The following ANKFN1 variants were observed in gnomAD, a reference collection of about 807,000 sequenced individuals.
ANKFN1 encodes ankyrin repeat and fibronectin type-III domain-containing protein 1.
ANKFN1 carries 74 observed loss-of-function variants against 108.7 expected under a neutral mutation model. The ratio of observed to expected loss-of-function variants is 0.68; its 90% CI spans 0.56 to 0.83. The LOEUF (loss-of-function observed/expected upper bound fraction) is 0.83, where lower values mean the gene tolerates loss of function less well. Among genes scored for constraint, ANKFN1 ranks in the 40% least tolerant of loss-of-function variants. The pLI is 0.00. For missense variants in ANKFN1, 1,505 were observed against 1,382.3 expected (o/e 1.09, Z -1.41); for synonymous variants, 547 against 516.2 (o/e 1.06, Z -0.81).
At chr17:56,267,512 C>G (rs771473673) in intron 3 of ANKFN1, among the ~76,000 whole-genome samples, 82 of 152,136 alleles carry the variant, frequency 5.4e-4, no homozygotes, top group Non-Finnish European at 9.7e-4. Context: ...ATAGTATTTC[C>G]TAGGTTAGTT....
At chr17:56,467,960 A>G (rs1186671013) in intron 15 of ANKFN1, among the ~76,000 whole-genome samples, 1 of 152,202 alleles carries the variant, frequency 6.6e-6, no homozygotes, top group East Asian at 1.9e-4. Flanking sequence ...TTCAGCCTTC[A>G]CTTGTACAAG....
chr17:56,102,872 C>A (rs1420481308), intron 4 of ANKFN1, among the ~76,000 whole-genome samples: 1 of 152,202 alleles, frequency 6.6e-6, no homozygotes, highest in Admixed American at 6.5e-5. Flanking sequence ...AGCCACTGTG[C>A]CCAGCCTATC....
intron 8 of ANKFN1, among the ~76,000 whole-genome samples, chr17:56,411,592 T>C (rs1046433252): frequency 1.3e-5 from 2 of 152,194 alleles, no homozygotes; most frequent in African/African-American, 4.8e-5. Flanking sequence ...GCTTTCAACT[T>C]TTTACCATTT....
chr17:56,408,313 T>C (rs2047983412), intron 8 of ANKFN1, among the ~76,000 whole-genome samples: 1 of 152,220 alleles, frequency 6.6e-6, no homozygotes. Context: ...TTATCAAAGA[T>C]GTTTATACAC....
chr17:56,257,811 G>A (rs1323901645), intron 3 of ANKFN1: 2 of 152,186 alleles, frequency 1.3e-5, no homozygotes, highest in Non-Finnish European at 2.9e-5. Context: ...TGGAGCTCCA[G>A]GAGAGGATTT....
intron 4 of ANKFN1, among the ~76,000 whole-genome samples, chr17:56,328,411 C>T (rs2144549209): frequency 6.6e-6 from 1 of 152,258 alleles, no homozygotes; most frequent in South Asian, 2.1e-4. Flanking sequence ...GTATTGATGT[C>T]TTTTATAAAA....
chr17:56,404,070 T>C (rs553442017), intron 8 of ANKFN1, among the ~76,000 whole-genome samples: 1 of 152,280 alleles, frequency 6.6e-6, no homozygotes, highest in South Asian at 2.1e-4. Flanking sequence ...GGTTACCTGA[T>C]GCTTCTGTCT....
At chr17:56,066,061 C>G (rs1453238068) in intron 4 of ANKFN1, among the ~76,000 whole-genome samples, 1 of 152,232 alleles carries the variant, frequency 6.6e-6, no homozygotes, top group Non-Finnish European at 1.5e-5. Context: ...AAGGCCAGAA[C>G]AGCAACAACA....
chr17:56,293,381 C>G (rs1330936956), intron 3 of ANKFN1, among the ~76,000 whole-genome samples: 1 of 152,152 alleles, frequency 6.6e-6, no homozygotes, highest in Non-Finnish European at 1.5e-5. Context: ...AAAACAAACC[C>G]AACAACTTTT....
intron 11 of ANKFN1, 92 bp from the exon 12 acceptor site, chr17:56,456,769 G>A: frequency 1.0e-6 from 1 of 978,702 alleles, no homozygotes; most frequent in Middle Eastern, 2.1e-4. Flanking sequence ...TAAAGGGATG[G>A]GGGAGGGGAA....
At chr17:56,174,449 G>T in intron 1 of ANKFN1, 1 of 980,018 alleles carries the variant, frequency 1.0e-6, no homozygotes, top group Non-Finnish European at 1.2e-6. Flanking sequence ...TGAATTGCTT[G>T]AGGGTTCTCT....
chr17:56,451,266 T>C (rs1413094524), intron 11 of ANKFN1, among the ~76,000 whole-genome samples: 1 of 152,226 alleles, frequency 6.6e-6, no homozygotes, highest in Non-Finnish European at 1.5e-5. Context: ...TCTTTAGCCA[T>C]GTACAACTTT....
intron 4 of ANKFN1, among the ~76,000 whole-genome samples, chr17:56,115,728 G>A (rs1348765786): frequency 6.6e-6 from 1 of 152,100 alleles, no homozygotes; most frequent in Non-Finnish European, 1.5e-5. Context: ...GTGCTAACAT[G>A]TCTGGGAAGA....
intron 3 of ANKFN1, among the ~76,000 whole-genome samples, chr17:56,269,885 A>C (rs1260209668): frequency 6.6e-6 from 1 of 152,070 alleles, no homozygotes; most frequent in Non-Finnish European, 1.5e-5. Context: ...GTTTTCCCTC[A>C]TTCCCCTAAC....
chr17:56,431,931 C>T (rs527650121), intron 8 of ANKFN1, among the ~76,000 whole-genome samples: 16 of 152,278 alleles, frequency 1.1e-4, no homozygotes, highest in African/African-American at 3.4e-4. Context: ...AAATAGCTTG[C>T]TGGAGCTCTC....
intron 3 of ANKFN1, among the ~76,000 whole-genome samples, chr17:56,271,298 C>T (rs1254845980): frequency 1.3e-5 from 2 of 152,202 alleles, no homozygotes; most frequent in Non-Finnish European, 2.9e-5. Flanking sequence ...AGACACCATG[C>T]CTGGCCTATA....
intron 4 of ANKFN1, among the ~76,000 whole-genome samples, chr17:56,078,200 AG>A (rs10719483): frequency 0.083 from 12,650 of 152,150 alleles, 869 homozygotes; most frequent in African/African-American, 0.19. Flanking sequence ...TTTGAGAGTA[AG>A]GCACAGACCT....
chr17:56,449,137 A>C lies in ANKFN1; in HGVS notation c.1158A>C (p.Glu386Asp). 6.2e-7 allele frequency: 1 copy of C among 1,613,654 alleles called. No homozygotes were observed. The highest frequency in any genetic ancestry group is 8.5e-7 in the Non-Finnish European group (1 of 1,179,658). The change falls in exon 11 of 21, where the codon GAA becomes GAC. Residue 386 changes from glutamate to aspartate, a missense_variant. Coordinates refer to ENST00000682825, the MANE Select transcript of ANKFN1 (RefSeq NM_001370326.1). ...PRHKGQSEVLEGLLQQVRALH... is the reference protein window; with the variant it reads ...PRHKGQSEVLDGLLQQVRALH... ...ACAAGGGACAGAGTGAAGTTTTGGA[A>C]GGTCTGCTGCAGCAGGTCCGAGCCC...
chr17:56,300,557 A>T (rs1333935680), intron 3 of ANKFN1, among the ~76,000 whole-genome samples: 1 of 149,620 alleles, frequency 6.7e-6, no homozygotes, highest in Admixed American at 6.6e-5. Context: ...GATATTTTTT[A>T]GCCTTTCCTC....
Sources: gnomAD v4.1 joint callset for allele counts (sites outside exome capture counted in the v4.1 genomes callset) on GRCh38, gnomAD v4.1.1 for gene constraint, MANE v1.5 for transcripts, NCBI Gene and HGNC (gene_info 2026-07-23, HGNC 2026-07-21) for gene names.